Variants in TMC2 observed in about 807,000 individuals in gnomAD.
The protein encoded by TMC2 is transmembrane channel like 2, also known as transmembrane channel-like protein 2.
In TMC2, 102 loss-of-function variants were observed where a neutral mutation model predicts 105.9. The observed-to-expected ratio is 0.96, with a 90% CI of 0.82 to 1.14. TMC2 has a LOEUF of 1.14. Among genes scored for constraint, TMC2 ranks in the 50% most tolerant of loss-of-function variants. The pLI is 0.00. For synonymous variants in TMC2, 402 were observed against 422.8 expected, an observed-to-expected ratio of 0.95 and a Z score of 0.60; for missense variants, 1,093 against 1,134.3, an observed-to-expected ratio of 0.96 and a Z score of 0.52.
intron 11 of TMC2, among the ~76,000 whole-genome samples, chr20:2,605,327 C>T (rs954220346): frequency 6.6e-6 from 1 of 152,154 alleles, no homozygotes; most frequent in South Asian, 2.1e-4. Context: ...GACTGAGTAG[C>T]TTAAACAACA....
intron 12 of TMC2, among the ~76,000 whole-genome samples, chr20:2,611,829 AATGGATGGATGG>A (rs556611452): frequency 2.8e-4 from 31 of 111,486 alleles, no homozygotes; most frequent in Non-Finnish European, 4.5e-4. Context: ...TAGATGGATG[AATGGATGGATGG>A]ATGGATGGAT....
At position 2,610,409 on chromosome 20, in the gene TMC2, G is replaced by C. The variant is rs199648861; in HGVS notation, c.1414-10G>C. Reference sequence around the variant, plus strand: ...TTGATGACACAACGTAGGCTTTCCTGATTCCTCAGGTAGAGATCGTGATGT... The same window carrying C: ...TTGATGACACAACGTAGGCTTTCCTCATTCCTCAGGTAGAGATCGTGATGT... On this transcript the variant is annotated splice_polypyrimidine_tract_variant and intron_variant, in intron 11 of 19. Coordinates refer to ENST00000358864, the MANE Select transcript of TMC2 (RefSeq NM_080751.3). 176 of 1,603,416 alleles carry C rather than the reference G, an allele frequency of 1.1e-4. No homozygotes were observed. In the African/African-American group the frequency reaches 2.1e-3, roughly 19 times the overall value.
At chr20:2,605,900 G>A (rs947463098) in intron 11 of TMC2, among the ~76,000 whole-genome samples, 3 of 152,174 alleles carry the variant, frequency 2.0e-5, no homozygotes, top group African/African-American at 7.2e-5. Context: ...AGAGCCTGTG[G>A]CCTCAGACCT....
chr20:2,568,629 C>T (rs1025928368), intron 4 of TMC2, among the ~76,000 whole-genome samples: 4 of 152,196 alleles, frequency 2.6e-5, no homozygotes, highest in Non-Finnish European at 5.9e-5. Flanking sequence ...ACTCCAAGTG[C>T]TTTTGAGTAT....
chr20:2,536,770 C>A, intron 1 of TMC2, 115 bp downstream of exon 1: 1 of 1,170,694 alleles, frequency 8.5e-7, no homozygotes. Context: ...GGTTTGAGTC[C>A]AGGGCCTGTC....
intron 4 of TMC2, among the ~76,000 whole-genome samples, chr20:2,571,872 T>C (rs2086105589): frequency 6.6e-6 from 1 of 152,190 alleles, no homozygotes; most frequent in African/African-American, 2.4e-5. Flanking sequence ...TCAGTAATCT[T>C]AACTACATTT....
chr20:2,545,675 GAAGAAGAAGA>G (rs994372114), intron 2 of TMC2, among the ~76,000 whole-genome samples: 4 of 126,452 alleles, frequency 3.2e-5, no homozygotes, highest in African/African-American at 5.2e-5. Context: ...AACAAAAGAA[GAAGAAGAAGA>G]AAGAAGAAGG....
chr20:2,552,280 A>C (rs2085961380), intron 2 of TMC2, among the ~76,000 whole-genome samples: 1 of 152,202 alleles, frequency 6.6e-6, no homozygotes, highest in African/African-American at 2.4e-5. Context: ...CAAACACTTT[A>C]GAATCAGTTT....
Position 2,641,525 on chromosome 20 carries a change from A to C in TMC2, c.*174A>C, listed in dbSNP as rs1247242425. The stretch of plus-strand genomic sequence containing the variant: ...GCCCTTGTCAGCTACCGAAGGAGGA[A>C]GACAGTGGCTTCACCTGTCCTTTAG... On this transcript the variant is annotated 3_prime_UTR_variant, in exon 20 of 20. Coordinates refer to ENST00000358864, the MANE Select transcript of TMC2 (RefSeq NM_080751.3). The C allele has an allele frequency of 1.0e-5, 6 of 593,094 alleles. No homozygotes were observed. Among genetic ancestry groups the C allele is most frequent in the Non-Finnish European group, 1.8e-5 (6 of 333,262 alleles). 36.7% of individuals were successfully genotyped at this position (593,094 alleles called of 1,614,324 possible).
rs192956615 is a variant in TMC2, at chr20:2,598,828, G to A, written c.1224+1530G>A. Among the ~76,000 whole-genome samples the A allele has an allele frequency of 5.7e-3, 866 of 151,878 alleles. 5 individuals are homozygous for A. The highest frequency in any genetic ancestry group is 8.0e-3 in the Non-Finnish European group (543 of 67,968). The stretch of plus-strand genomic sequence containing the variant: ...CTGGGTGTTGTTTATTTATGTGACT[G>A]GTATAAAAACAGGCATGGGGGGTTC... On this transcript the variant is annotated intron_variant, in intron 10 of 19. Transcript: ENST00000358864.
rs1367329786 is a variant in TMC2 at position 2,562,107 on chromosome 20, A to G, written c.554+97A>G. The G allele has an allele frequency of 3.5e-6, 5 of 1,413,824 alleles. No homozygotes were observed. The African/African-American group carries it at 5.7e-5, about 16-fold the overall frequency. The allele number at this position is 1,413,824 out of a possible 1,614,324, so 87.6% of individuals were successfully genotyped here. On this transcript the variant is annotated intron_variant, in intron 4 of 19. Coordinates refer to ENST00000358864, the MANE Select transcript of TMC2 (RefSeq NM_080751.3). ...CTCCACATTTCCCCAAAGGGGCTTG[A>G]TGTGAGGGGGCTGCTCCAGCGAGGA... is the stretch of plus-strand genomic sequence containing the variant.
chr20:2,548,592 A>C (rs187150531), intron 2 of TMC2, among the ~76,000 whole-genome samples: 2,036 of 151,786 alleles, frequency 0.013, 31 homozygotes, highest in East Asian at 0.054. Context: ...GAGCCAAGAT[A>C]GCACCATTGC....
At chr20:2,607,979 C>A (rs1600127365) in intron 11 of TMC2, among the ~76,000 whole-genome samples, 1 of 152,154 alleles carries the variant, frequency 6.6e-6, no homozygotes, top group South Asian at 2.1e-4. Context: ...AAAAAATTAG[C>A]TGGGCATGGT....
rs2086019507 is a variant in TMC2, at chr20:2,560,644, T to G, written c.402-1214T>G. Among the ~76,000 whole-genome samples the G allele has an allele frequency of 3.3e-5, 5 of 152,164 alleles. No individual in the cohort carries two copies. The South Asian group carries it at 1.0e-3, about 32-fold the overall frequency. On this transcript the variant is annotated intron_variant, in intron 3 of 19. Coordinates refer to ENST00000358864, the MANE Select transcript of TMC2 (RefSeq NM_080751.3). ...CGAGGTCAGGAGATCGAGATCATCC[T>G]GGCTAACATGGTGAAACCCCATTTC...
At chr20:2,598,320 G>C (rs548662374) in intron 10 of TMC2, among the ~76,000 whole-genome samples, 1 of 152,270 alleles carries the variant, frequency 6.6e-6, no homozygotes, top group Non-Finnish European at 1.5e-5. Context: ...AGTCCCACAG[G>C]GGCTGAGGTG....
At chr20:2,574,283 T>C (rs577951690) in intron 5 of TMC2, among the ~76,000 whole-genome samples, 1 of 152,244 alleles carries the variant, frequency 6.6e-6, no homozygotes, top group Non-Finnish European at 1.5e-5. Context: ...CGATATTTTA[T>C]TTATGATTTT....
intron 17 of TMC2, 120 bp downstream of exon 17, chr20:2,624,516 T>C: frequency 8.3e-7 from 1 of 1,207,268 alleles, no homozygotes; most frequent in South Asian, 1.6e-5. Context: ...GCAGAATCCA[T>C]GACAAGGATT....
chr20:2,542,696 C>T (rs1225151455), intron 2 of TMC2, among the ~76,000 whole-genome samples: 1 of 133,766 alleles, frequency 7.5e-6, no homozygotes, highest in East Asian at 2.2e-4. Context: ...CTTTAGTCCA[C>T]AATTTTTTTT....
Position 2,594,919 on chromosome 20 carries a change from T to C in TMC2, c.1028T>C (p.Met343Thr). The change falls in exon 9 of 20, where the codon ATG (methionine) becomes ACG (threonine). Residue 343 changes from methionine (M) to threonine (T), a missense_variant. Transcript: ENST00000358864. ...LRYRLPMAYF[M>T]VGVSVFGYSL... ...TACCGGCTGCCTATGGCTTACTTTA[T>C]GGTGGGGGTCAGCGTGTTCGGCTAC... is the stretch of plus-strand genomic sequence containing the variant. 7 of 1,614,112 alleles carry C rather than the reference T, an allele frequency of 4.3e-6. No individual in the cohort carries two copies. Among genetic ancestry groups the C allele is most frequent in the Non-Finnish European group, 5.9e-6 (7 of 1,180,016 alleles).
Sources: gnomAD v4.1 joint callset for allele counts (sites outside exome capture counted in the v4.1 genomes callset) on GRCh38, gnomAD v4.1.1 for gene constraint, MANE v1.5 for transcripts, NCBI Gene and HGNC (gene_info 2026-07-23, HGNC 2026-07-21) for gene names.